RALY: variants seen among roughly 807,000 people sequenced by gnomAD.
RALY encodes RNA-binding protein Raly.
Under a neutral mutation model 30.7 loss-of-function variants are expected in RALY, and 15 were observed. The ratio of observed to expected loss-of-function variants is 0.49; its 90% CI spans 0.33 to 0.75. RALY has a LOEUF of 0.75. RALY is among the 30% of genes least tolerant of loss of function. The pLI is 0.02. For missense variants in RALY, 339 were observed against 414.3 expected (o/e 0.82, Z 1.58); for synonymous variants, 177 against 170.8 (o/e 1.04, Z -0.28).
intron 1 of RALY, among the ~76,000 whole-genome samples, chr20:34,025,903 T>G (rs1210628893): frequency 2.1e-5 from 3 of 141,906 alleles, no homozygotes; most frequent in African/African-American, 7.5e-5. Flanking sequence ...CTGGTTGTTT[T>G]TTTTTTTTTT....
chr20:34,050,243 A>G (rs2033030709), intron 2 of RALY, among the ~76,000 whole-genome samples: 2 of 152,190 alleles, frequency 1.3e-5, no homozygotes, highest in Non-Finnish European at 2.9e-5. Flanking sequence ...TCCTGACACC[A>G]AACAGGTGCT....
At chr20:34,075,257 T>TA (rs1350759069) in intron 5 of RALY, among the ~76,000 whole-genome samples, 2 of 152,114 alleles carry the variant, frequency 1.3e-5, no homozygotes, top group Non-Finnish European at 1.5e-5. Context: ...AGTTCAGTCT[T>TA]ATGCCTCTGA....
intron 1 of RALY, among the ~76,000 whole-genome samples, chr20:34,006,089 T>C (rs751744829): frequency 2.6e-5 from 4 of 152,244 alleles, no homozygotes; most frequent in African/African-American, 7.2e-5. Flanking sequence ...GCTGCTGATA[T>C]GATAGATGGA....
intron 2 of RALY, among the ~76,000 whole-genome samples, chr20:34,066,307 C>T (rs1251181616): frequency 3.3e-5 from 5 of 151,826 alleles, no homozygotes; most frequent in African/African-American, 7.3e-5. Context: ...GGTGAAACCC[C>T]GTCTCTACTA....
At chr20:34,001,441 C>G (rs941593118) in intron 1 of RALY, among the ~76,000 whole-genome samples, 4 of 152,158 alleles carry the variant, frequency 2.6e-5, no homozygotes, top group African/African-American at 9.7e-5. Context: ...AGGTAAGACT[C>G]ATTGCTTTAT....
intron 1 of RALY, among the ~76,000 whole-genome samples, chr20:34,006,839 A>C (rs1281400254): frequency 6.6e-6 from 1 of 152,224 alleles, no homozygotes; most frequent in Non-Finnish European, 1.5e-5. Flanking sequence ...ACAGGGATGA[A>C]ATCGCCTAAT....
chr20:34,076,237 A>G, intron 6 of RALY, 197 bp downstream of exon 6: 1 of 706,854 alleles, frequency 1.4e-6, no homozygotes, highest in South Asian at 1.9e-5. Flanking sequence ...TGTTGGGCAC[A>G]GAGAGTCCAG....
rs201601845 is a variant in RALY, at chr20:34,072,230, T to G, written c.156T>G (p.Ser52=). ...AGTATGGCCGTGTGGCCGGCTGTTC[T>G]GTGCACAAGGGCTATGCCTTTGTTC... ...FSKYGRVAGC[S]VHKGYAFVQY... The change falls in exon 3 of 10, where the codon TCT becomes TCG. Residue 52 remains serine, a synonymous_variant. Transcript: ENST00000246194. 11 of 1,614,254 alleles carry G rather than the reference T, an allele frequency of 6.8e-6. No homozygotes were observed. The East Asian group carries it at 2.2e-4, about 33-fold the overall frequency.
chr20:34,028,144 G>C (rs1306063188), intron 1 of RALY, among the ~76,000 whole-genome samples: 1 of 152,180 alleles, frequency 6.6e-6, no homozygotes, highest in Non-Finnish European at 1.5e-5. Context: ...AAATTAGCCA[G>C]ACGTGGTGGC....
intron 5 of RALY, among the ~76,000 whole-genome samples, chr20:34,075,208 A>T (rs1012778776): frequency 2.0e-5 from 3 of 152,162 alleles, no homozygotes; most frequent in Admixed American, 1.3e-4. Context: ...AGCACGAAGG[A>T]TGTGGTGATT....
chr20:34,005,322 G>A (rs760313094), intron 1 of RALY, among the ~76,000 whole-genome samples: 4 of 152,016 alleles, frequency 2.6e-5, no homozygotes, highest in Non-Finnish European at 5.9e-5. Flanking sequence ...CCATCCTGAC[G>A]GAGTAGTGAA....
intron 2 of RALY, among the ~76,000 whole-genome samples, chr20:34,035,592 G>C (rs1249275794): frequency 1.3e-5 from 2 of 152,170 alleles, no homozygotes; most frequent in Middle Eastern, 6.8e-3. Flanking sequence ...TCAGCCTCTT[G>C]AGCTAGTAGT....
intron 1 of RALY, among the ~76,000 whole-genome samples, chr20:34,018,595 T>TA (rs2123043931): frequency 6.6e-6 from 1 of 152,364 alleles, no homozygotes; most frequent in Non-Finnish European, 1.5e-5. Context: ...GAAGATATGC[T>TA]AAGTACCCCT....
At chr20:34,071,074 G>T (rs1464153722) in intron 2 of RALY, among the ~76,000 whole-genome samples, 1 of 152,110 alleles carries the variant, frequency 6.6e-6, no homozygotes, top group East Asian at 1.9e-4. Flanking sequence ...TATCATGAGA[G>T]CAGCACCAAG....
At position 34,082,142 on chromosome 20, in the gene RALY, A is replaced by G. The variant is rs2034040085; in HGVS notation, c.*2237A>G. On this transcript the variant is annotated 3_prime_UTR_variant, in exon 10 of 10. Transcript: ENST00000246194. Reference sequence around the variant, plus strand: ...TGCCTCATCTCCCTGAAGAGCTCTCAGTGGAACATACTTCACCCATCCATG... The same window carrying G: ...TGCCTCATCTCCCTGAAGAGCTCTCGGTGGAACATACTTCACCCATCCATG... The G allele has an allele frequency of 6.6e-6, 1 of 152,362 alleles. No homozygotes were observed. The highest frequency in any genetic ancestry group is 2.4e-5 in the African/African-American group (1 of 41,472). The allele number at this position is 152,362 out of a possible 1,614,324, so 9.4% of individuals were successfully genotyped here. A position where few individuals can be genotyped will look rare whatever the true frequency, so the allele number is the denominator to read the frequency against.
At chr20:34,023,394 T>A (rs957014427) in intron 1 of RALY, among the ~76,000 whole-genome samples, 1 of 152,052 alleles carries the variant, frequency 6.6e-6, no homozygotes, top group African/African-American at 2.4e-5. Flanking sequence ...CCAGTTTTGG[T>A]GGGAGAGCCA....
intron 5 of RALY, 144 bp downstream of exon 5, chr20:34,074,010 A>G: frequency 1.2e-6 from 1 of 837,140 alleles, no homozygotes; most frequent in Non-Finnish European, 1.9e-6. Flanking sequence ...TCGGTAGCAG[A>G]GCTGAGACTG....
chr20:34,003,871 C>G (rs2031039886), intron 1 of RALY, among the ~76,000 whole-genome samples: 1 of 152,024 alleles, frequency 6.6e-6, no homozygotes, highest in Non-Finnish European at 1.5e-5. Flanking sequence ...GATCTCCTGA[C>G]CTCGTGATCC....
intron 2 of RALY, among the ~76,000 whole-genome samples, chr20:34,071,170 A>G (rs1160905267): frequency 6.6e-6 from 1 of 152,142 alleles, no homozygotes. Flanking sequence ...ATTAGACATG[A>G]GATTTGGGCG....
Sources: gnomAD v4.1 joint callset for allele counts (sites outside exome capture counted in the v4.1 genomes callset) on GRCh38, gnomAD v4.1.1 for gene constraint, MANE v1.5 for transcripts, NCBI Gene and HGNC (gene_info 2026-07-23, HGNC 2026-07-21) for gene names.